The following TPST1 variants were observed in gnomAD, a reference collection of about 807,000 sequenced individuals.
The protein encoded by TPST1 is tyrosylprotein sulfotransferase 1.
TPST1 carries 20 observed loss-of-function variants against 34.8 expected under a neutral mutation model. The observed-to-expected ratio is 0.57, with a 90% CI of 0.40 to 0.84. The LOEUF (loss-of-function observed/expected upper bound fraction) is 0.84. Ranked by LOEUF, TPST1 falls within the 40% of genes least tolerant of loss-of-function variation. The pLI is 0.00. For missense variants in TPST1, 353 were observed against 455.5 expected, an observed-to-expected ratio of 0.78 and a Z score of 2.05; for synonymous variants, 152 against 159.4, an observed-to-expected ratio of 0.95 and a Z score of 0.35.
chr7:66,222,373 G>C (rs1401880927), intron 1 of TPST1, among the ~76,000 whole-genome samples: 1 of 150,070 alleles, frequency 6.7e-6, no homozygotes, highest in Non-Finnish European at 1.5e-5. Flanking sequence ...GCCACAGAGT[G>C]AGACTCCGTT....
intron 3 of TPST1, among the ~76,000 whole-genome samples, chr7:66,342,688 C>T (rs971413485): frequency 1.3e-5 from 2 of 152,086 alleles, no homozygotes; most frequent in Non-Finnish European, 2.9e-5. Context: ...GGAACAGGCA[C>T]AGCACATGGA....
intron 3 of TPST1, among the ~76,000 whole-genome samples, chr7:66,333,583 C>T (rs1792037623): frequency 6.6e-6 from 1 of 152,078 alleles, no homozygotes; most frequent in South Asian, 2.1e-4. Context: ...GTCTTTTTTT[C>T]CCAGCTCCAG....
At chr7:66,236,708 G>T (rs894407079) in intron 1 of TPST1, among the ~76,000 whole-genome samples, 1 of 152,092 alleles carries the variant, frequency 6.6e-6, no homozygotes, top group African/African-American at 2.4e-5. Flanking sequence ...TGGCAAAATA[G>T]ACTTTCTAAA....
chr7:66,259,671 A>G (rs1204825659), intron 2 of TPST1, among the ~76,000 whole-genome samples: 7 of 151,942 alleles, frequency 4.6e-5, no homozygotes, highest in Non-Finnish European at 8.8e-5. Flanking sequence ...GTTCCCATAT[A>G]TGACTTATCC....
intron 3 of TPST1, among the ~76,000 whole-genome samples, chr7:66,344,040 A>G (rs540231994): frequency 1.7e-4 from 26 of 152,350 alleles, no homozygotes; most frequent in African/African-American, 5.8e-4. Context: ...GAAAGATTCA[A>G]TGAGCTTGAA....
rs187761613 is a variant in TPST1 at position 66,242,697 on chromosome 7, C to G, written c.845+1427C>G. Among the ~76,000 whole-genome samples, 324 of 152,290 alleles carry G rather than the reference C, an allele frequency of 2.1e-3. 2 individuals are homozygous for G. Among genetic ancestry groups the G allele is most frequent in the African/African-American group, 7.6e-3 (317 of 41,558 alleles). On this transcript the variant is annotated intron_variant, in intron 2 of 5. Coordinates refer to ENST00000304842, the MANE Select transcript of TPST1 (RefSeq NM_003596.4). ...GTTGGCCCGGCACCGATGCCACCTA[C>G]ATCTGCTAATATAAAAGGAGGCCAT... is the stretch of plus-strand genomic sequence containing the variant.
At chr7:66,212,203 A>G (rs1010533284) in intron 1 of TPST1, among the ~76,000 whole-genome samples, 4 of 152,196 alleles carry the variant, frequency 2.6e-5, no homozygotes, top group African/African-American at 9.7e-5. Flanking sequence ...TTTTAGGCTC[A>G]TGAGCTTTGG....
chr7:66,229,124 T>TC (rs1789724456), intron 1 of TPST1, among the ~76,000 whole-genome samples: 1 of 151,626 alleles, frequency 6.6e-6, no homozygotes, highest in Admixed American at 6.6e-5. Flanking sequence ...TGGCTTTTTT[T>TC]TTTTCTGAGA....
chr7:66,296,840 C>T (rs1315800140), intron 3 of TPST1, among the ~76,000 whole-genome samples: 1 of 151,982 alleles, frequency 6.6e-6, no homozygotes, highest in Non-Finnish European at 1.5e-5. Flanking sequence ...ATATTTTATA[C>T]CCTGTCCCAC....
chr7:66,299,312 T>TC (rs1451447383), intron 3 of TPST1, among the ~76,000 whole-genome samples: 9 of 151,574 alleles, frequency 5.9e-5, no homozygotes, highest in Admixed American at 5.9e-4. Flanking sequence ...TTTTTTTTTT[T>TC]TTTTAATTTG....
At chr7:66,233,134 T>G (rs1789834559) in intron 1 of TPST1, among the ~76,000 whole-genome samples, 1 of 152,184 alleles carries the variant, frequency 6.6e-6, no homozygotes, top group Non-Finnish European at 1.5e-5. Flanking sequence ...TTTGCAGATA[T>G]TTTCTCCCAT....
chr7:66,336,093 G>A (rs1379132011), intron 3 of TPST1, among the ~76,000 whole-genome samples: 3 of 152,166 alleles, frequency 2.0e-5, no homozygotes, highest in East Asian at 1.9e-4. Context: ...GGCAGATCAC[G>A]AGGTCAGGGG....
chr7:66,256,357 A>T (rs907462298), intron 2 of TPST1, among the ~76,000 whole-genome samples: 16 of 152,228 alleles, frequency 1.1e-4, no homozygotes, highest in Non-Finnish European at 1.6e-4. Flanking sequence ...GTGGCTGAAA[A>T]CAACAAACAT....
intron 1 of TPST1, among the ~76,000 whole-genome samples, chr7:66,212,338 A>G (rs190114962): frequency 3.9e-5 from 6 of 152,326 alleles, no homozygotes; most frequent in African/African-American, 9.6e-5. Flanking sequence ...CTATACCTAA[A>G]TGAATCTCAC....
At chr7:66,251,059 C>T (rs74602089) in intron 2 of TPST1, among the ~76,000 whole-genome samples, 37 of 152,188 alleles carry the variant, frequency 2.4e-4, no homozygotes, top group African/African-American at 8.7e-4. Context: ...GTTTTCAGAC[C>T]ACAGTTGACT....
intron 3 of TPST1, among the ~76,000 whole-genome samples, chr7:66,296,091 A>G (rs1280602285): frequency 1.3e-5 from 2 of 152,142 alleles, no homozygotes; most frequent in African/African-American, 2.4e-5. Context: ...CCTACATGCA[A>G]ATTGGCTTGG....
At chr7:66,333,407 T>C (rs1584248208) in intron 3 of TPST1, among the ~76,000 whole-genome samples, 2 of 152,194 alleles carry the variant, frequency 1.3e-5, no homozygotes, top group South Asian at 2.1e-4. Flanking sequence ...GTGTGTGTAC[T>C]GTGGAAGATC....
At chr7:66,250,630 C>T (rs541406316) in intron 2 of TPST1, among the ~76,000 whole-genome samples, 26 of 152,168 alleles carry the variant, frequency 1.7e-4, no homozygotes, top group Non-Finnish European at 2.9e-4. Flanking sequence ...AGTGGATGCC[C>T]GAAACCCCAC....
intron 3 of TPST1, among the ~76,000 whole-genome samples, chr7:66,316,828 A>G (rs1791641726): frequency 6.6e-6 from 1 of 152,226 alleles, no homozygotes; most frequent in Admixed American, 6.5e-5. Context: ...AGGAACAGAA[A>G]ACCAGATACC....
Sources: allele counts gnomAD v4.1 joint callset (sites outside exome capture counted in the v4.1 genomes callset), GRCh38; gene constraint gnomAD v4.1.1; transcripts MANE v1.5; gene names NCBI Gene and HGNC (gene_info 2026-07-23, HGNC 2026-07-21).